SOCS2: variants seen among roughly 807,000 people sequenced by gnomAD.
SOCS2 encodes CIS-2.
A neutral mutation model predicts 18.6 loss-of-function variants in SOCS2; 10 were observed. The observed-to-expected ratio is 0.54, with a 90% CI of 0.33 to 0.91. The LOEUF is 0.91. Among genes scored for constraint, SOCS2 ranks in the 40% least tolerant of loss-of-function variants. The probability of loss-of-function intolerance (pLI) is 0.02; values close to 1 mark genes in which losing one functional copy is unlikely to be tolerated. For synonymous variants in SOCS2, 104 were observed against 104.0 expected (o/e 1.00, Z 0.00); for missense variants, 231 against 247.2 (o/e 0.93, Z 0.44).
At chr12:93,621,392 G>C in the SOCS2 span, among the ~76,000 whole-genome samples, 5 of 152,266 alleles carry the variant, frequency 3.3e-5, no homozygotes, top group African/African-American at 1.2e-4. Flanking sequence ...GATTAAGAGA[G>C]GTGAAATCTG....
downstream of SOCS2, among the ~76,000 whole-genome samples, chr12:93,585,581 TC>T (rs748773761): frequency 5.9e-5 from 9 of 152,104 alleles, no homozygotes; most frequent in Non-Finnish European, 1.2e-4. Context: ...ATATCCTGCT[TC>T]CTTCTTTTTT....
chr12:93,603,604 A>G, the SOCS2 span, among the ~76,000 whole-genome samples: 1 of 152,150 alleles, frequency 6.6e-6, no homozygotes, highest in East Asian at 1.9e-4. Context: ...TAAACAAGAG[A>G]TTATTACCTT....
the SOCS2 span, among the ~76,000 whole-genome samples, chr12:93,602,534 G>C: frequency 1.1e-3 from 175 of 152,244 alleles, 1 homozygote; most frequent in Non-Finnish European, 7.8e-4. Flanking sequence ...TGTACTCCAG[G>C]AAATGGAACC....
At chr12:93,589,417 T>A in the SOCS2 span, among the ~76,000 whole-genome samples, 1 of 152,164 alleles carries the variant, frequency 6.6e-6, no homozygotes, top group Non-Finnish European at 1.5e-5. Context: ...AATGTGCAAA[T>A]AAAAAAATCC....
the SOCS2 span, among the ~76,000 whole-genome samples, chr12:93,599,849 C>A: frequency 1.3e-5 from 2 of 152,142 alleles, no homozygotes; most frequent in African/African-American, 4.8e-5. Context: ...GATGCTGGCA[C>A]CTAGATATTA....
chr12:93,614,483 CCTT>C, the SOCS2 span, among the ~76,000 whole-genome samples: 82 of 22,904 alleles, frequency 3.6e-3, 2 homozygotes, highest in Admixed American at 0.013. Flanking sequence ...TCCTTCCTTT[CCTT>C]CCTTCCTTCC....
At chr12:93,612,825 A>C in the SOCS2 span, among the ~76,000 whole-genome samples, 2 of 152,126 alleles carry the variant, frequency 1.3e-5, no homozygotes, top group Non-Finnish European at 2.9e-5. Flanking sequence ...CTTTAAAGGC[A>C]ATGTAACCCC....
downstream of SOCS2, among the ~76,000 whole-genome samples, chr12:93,579,704 A>G (rs1592835831): frequency 1.3e-5 from 2 of 152,090 alleles, no homozygotes; most frequent in Non-Finnish European, 1.5e-5. Flanking sequence ...GACTATTACT[A>G]TGGTAATAAA....
chr12:93,599,709 C>T, the SOCS2 span, among the ~76,000 whole-genome samples: 13 of 152,048 alleles, frequency 8.5e-5, no homozygotes, highest in African/African-American at 3.1e-4. Flanking sequence ...ATAATGAGAG[C>T]GAGTTTATTA....
downstream of SOCS2, among the ~76,000 whole-genome samples, chr12:93,585,274 A>G (rs1206691064): frequency 1.3e-5 from 2 of 152,166 alleles, no homozygotes; most frequent in African/African-American, 4.8e-5. Context: ...ATCTGTCATA[A>G]TCACCAGGGA....
upstream of SOCS2, chr12:93,572,544 T>C (rs1262424095): frequency 1.1e-5 from 5 of 462,334 alleles, no homozygotes; most frequent in Non-Finnish European, 2.0e-5. The surrounding 1 kb of genome is among the most constrained non-coding windows in gnomAD (Gnocchi z 5.0). Context: ...GCCAGGGCGC[T>C]AACTGGAAGC....
the SOCS2 span, among the ~76,000 whole-genome samples, chr12:93,620,385 T>C: frequency 6.6e-6 from 1 of 152,162 alleles, no homozygotes; most frequent in Admixed American, 6.5e-5. Flanking sequence ...AATGTTGTCC[T>C]GAAGAGTTTG....
At chr12:93,603,912 A>G in the SOCS2 span, among the ~76,000 whole-genome samples, 15 of 152,208 alleles carry the variant, frequency 9.9e-5, no homozygotes, top group African/African-American at 3.6e-4. Flanking sequence ...ATTGGCATGT[A>G]TTATCAGAGT....
At chr12:93,574,555 A>G (rs1954396168) in intron 1 of SOCS2, 167 bp from the exon 2 acceptor site, 1 of 464,120 alleles carries the variant, frequency 2.2e-6, no homozygotes, top group Non-Finnish European at 3.7e-6. Context: ...TTAAATTCCT[A>G]CTGAAAGTAT....
At chr12:93,598,165 C>T in the SOCS2 span, among the ~76,000 whole-genome samples, 6 of 152,126 alleles carry the variant, frequency 3.9e-5, no homozygotes, top group South Asian at 2.1e-4. Flanking sequence ...ACGTTGCTGA[C>T]GATACTGTGT....
At chr12:93,606,009 T>C in the SOCS2 span, among the ~76,000 whole-genome samples, 2 of 152,226 alleles carry the variant, frequency 1.3e-5, no homozygotes, top group African/African-American at 2.4e-5. Flanking sequence ...TCTGGACATA[T>C]GTAGTCCATG....
chr12:93,575,004 A>C lies in SOCS2; in HGVS notation c.422A>C (p.Glu141Ala). 2 of 1,614,114 alleles carry C rather than the reference A, an allele frequency of 1.2e-6. No homozygotes were observed. The highest frequency in any genetic ancestry group is 2.2e-5 in the South Asian group (2 of 91,064). Residue 141 changes from glutamate (E) to alanine (A), a missense_variant, in exon 2 of 2, where the codon GAA becomes GCA. Physicochemically the swap from Glu to Ala is moderately radical, Grantham distance 107. Around this residue, in one of 3 missense-constraint regions of SOCS2, gnomAD observed 122 missense variants for 127.2 expected, o/e 0.96. Coordinates refer to ENST00000551556, the MANE Select transcript of SOCS2 (RefSeq NM_001270471.2). Reference protein sequence around the residue: ...QMCKDKRTGPEAPRNGTVHLY... With the variant: ...QMCKDKRTGPAAPRNGTVHLY... ...TGCAAGGATAAGCGGACAGGTCCAG[A>C]AGCCCCCCGGAACGGCACTGTTCAC...
At chr12:93,612,537 T>C in the SOCS2 span, among the ~76,000 whole-genome samples, 1 of 152,200 alleles carries the variant, frequency 6.6e-6, no homozygotes, top group Non-Finnish European at 1.5e-5. Context: ...CTTCTTTCCA[T>C]GGTGTTAATC....
Position 93,573,089 on chromosome 12 carries a change from A to C in SOCS2, c.139+53A>C, listed in dbSNP as rs191158863. On this transcript the variant is annotated intron_variant, in intron 1 of 1. Transcript: ENST00000551556. ...GCGGGAGGGAGCGCCTCCCCAAGGA[A>C]GCAGCTAGGAAGCGGGGTCGAGGTG... 1.9e-4 allele frequency: 296 copies of C among 1,538,870 alleles called. 1 individual carries two copies. The African/African-American group carries it at 3.7e-3, about 19-fold the overall frequency.
Sources: gnomAD v4.1 joint callset for allele counts (sites outside exome capture counted in the v4.1 genomes callset) on GRCh38, gnomAD v4.1.1 for gene constraint, gnomAD v4.1.1 regional missense constraint, Gnocchi (gnomAD v3.1) non-coding constraint, MANE v1.5 for transcripts, NCBI Gene and HGNC (gene_info 2026-07-23, HGNC 2026-07-21) for gene names.